The following TACC3 variants were observed in gnomAD, a reference collection of about 807,000 sequenced individuals.
TACC3 encodes transforming acidic coiled-coil-containing protein 3.
Under a neutral mutation model 86.0 loss-of-function variants are expected in TACC3, and 52 were observed. The ratio of observed to expected loss-of-function variants is 0.60; its 90% CI spans 0.48 to 0.76. The LOEUF (loss-of-function observed/expected upper bound fraction) is 0.76, where lower values mean the gene tolerates loss of function less well. Ranked by LOEUF, TACC3 falls within the 30% of genes least tolerant of loss-of-function variation. The probability of loss-of-function intolerance (pLI) is 0.00; values close to 1 mark genes in which losing one functional copy is unlikely to be tolerated. For missense variants in TACC3, 1,120 were observed against 1,070.4 expected, an observed-to-expected ratio of 1.05 and a Z score of -0.65; for synonymous variants, 512 against 430.0, an observed-to-expected ratio of 1.19 and a Z score of -2.36.
At chr4:1,721,312 T>G (rs1316382670), upstream of TACC3, 2 of 137,796 alleles carry the variant, frequency 1.5e-5, no homozygotes, top group Non-Finnish European at 3.1e-5. Context: ...GCCCGGGGTC[T>G]CAGCTTCAGA....
chr4:1,732,948 A>T (rs1035682570), intron 6 of TACC3, among the ~76,000 whole-genome samples: 1 of 152,318 alleles, frequency 6.6e-6, no homozygotes, highest in Admixed American at 6.5e-5. Flanking sequence ...TCTCCTGGAT[A>T]CATAGCTAGG....
chr4:1,738,050 T>A, intron 10 of TACC3: 1 of 379,708 alleles, frequency 2.6e-6, no homozygotes, highest in South Asian at 2.0e-5. Flanking sequence ...CTCCCACGAG[T>A]CCAGACGCAT....
intron 6 of TACC3, among the ~76,000 whole-genome samples, chr4:1,731,658 G>A (rs575650656): frequency 6.6e-6 from 1 of 151,376 alleles, no homozygotes; most frequent in Non-Finnish European, 1.5e-5. Flanking sequence ...TTTTTTCTGA[G>A]ATAGTCTCGC....
In TACC3 at chr4:1,729,967, T is replaced by A. The variant is rs549065010; in HGVS notation, c.1386-920T>A. On this transcript the variant is annotated intron_variant, in intron 4 of 15. Transcript: ENST00000313288. The stretch of plus-strand genomic sequence containing the variant: ...GCGTGACAGAGGGCTCACACACCTC[T>A]TCCGGTCACTTTCTCACCGTGTGCC... 4.6e-5 allele frequency among the ~76,000 whole-genome samples: 7 copies of A among 152,376 alleles called. No homozygotes were observed. In the East Asian group the frequency reaches 1.2e-3, roughly 25 times the overall value.
chr4:1,740,933 G>C lies in TACC3; in HGVS notation c.2170G>C (p.Asp724His), dbSNP rs1344324205. 6.2e-7 allele frequency: 1 copy of C among 1,612,516 alleles called. No individual in the cohort carries two copies. The highest frequency in any genetic ancestry group is 1.3e-5 in the African/African-American group (1 of 74,856). The part of the protein sequence containing the change: ...DLNSMEKSFS[D>H]LFKRFEKQKE... ...GAACTCCATGGAGAAGTCCTTCTCC[G>C]ACCTCTTCAAGCGTTTTGAGAAACA... The change falls in exon 13 of 16, where the codon GAC becomes CAC. Residue 724 changes from aspartate to histidine, a missense_variant. By Grantham distance (81) the Asp-to-His change is moderately conservative. Transcript: ENST00000313288.
chr4:1,742,873 CAG>C (rs1718662302), intron 13 of TACC3, among the ~76,000 whole-genome samples: 3 of 149,034 alleles, frequency 2.0e-5, no homozygotes, highest in South Asian at 2.1e-4. Context: ...GAAACTGAGA[CAG>C]AAAATCATTT....
intron 8 of TACC3, among the ~76,000 whole-genome samples, chr4:1,736,422 CAAAAAAA>C (rs1164866581): frequency 1.5e-5 from 1 of 65,826 alleles, no homozygotes; most frequent in Non-Finnish European, 2.5e-5. Context: ...GACTCCATCT[CAAAAAAA>C]AAAAAAAAAA....
intron 3 of TACC3, among the ~76,000 whole-genome samples, chr4:1,726,337 A>G (rs1346114120): frequency 6.6e-6 from 1 of 152,096 alleles, no homozygotes; most frequent in Non-Finnish European, 1.5e-5. Flanking sequence ...CCTTCAGTGA[A>G]GGCTTTGACT....
In TACC3 at chr4:1,730,894, C is replaced by T. The variant is rs1365569074; in HGVS notation, c.1393C>T (p.His465Tyr). The T allele has an allele frequency of 6.2e-7, 1 of 1,613,260 alleles. No individual in the cohort carries two copies. Among genetic ancestry groups the T allele is most frequent in the Admixed American group, 1.7e-5 (1 of 60,030 alleles). The change falls in exon 5 of 16, where the codon CAT becomes TAT. Residue 465 changes from histidine (H) to tyrosine (Y), a missense_variant. Physicochemically the swap from His to Tyr is moderately conservative, Grantham distance 83. Coordinates refer to ENST00000313288, the MANE Select transcript of TACC3 (RefSeq NM_006342.3). ...EPGPCLSQQL[H>Y]SASAEDTPVV... ...CTGACTCTGTCTCCCCAGGCAGCTG[C>T]ATTCAGCCTCAGCGGAGGACACGCC...
upstream of TACC3, chr4:1,721,378 T>TGGGGG (rs60976521): frequency 6.2e-5 from 8 of 129,138 alleles, no homozygotes; most frequent in African/African-American, 2.1e-4. Flanking sequence ...GAGCGGGGGG[T>TGGGGG]GGGGGGGGAG....
Position 1,740,143 on chromosome 4 carries a change from C to T in TACC3, c.2062+141C>T, listed in dbSNP as rs544696148. 6.5e-5 allele frequency: 52 copies of T among 803,868 alleles called. No homozygotes were observed. In the Admixed American group the frequency reaches 8.5e-4, roughly 13 times the overall value. 49.8% of individuals were successfully genotyped at this position (803,868 alleles called of 1,614,324 possible). A position where few individuals can be genotyped will look rare whatever the true frequency, so the allele number is the denominator to read the frequency against. ...CACACGAGTCCCTTCAACATGGGCC[C>T]GGCCGTGGAAGCACTGAGGCGAGTT... On this transcript the variant is annotated intron_variant, in intron 12 of 15. Transcript: ENST00000313288.
At chr4:1,733,438 A>G (rs1718100093) in intron 6 of TACC3, among the ~76,000 whole-genome samples, 1 of 152,102 alleles carries the variant, frequency 6.6e-6, no homozygotes, top group Admixed American at 6.5e-5. Context: ...GGATTGTTTG[A>G]GCCCTGTAGT....
At position 1,728,402 on chromosome 4, in the gene TACC3, G is replaced by A. The variant is rs777262465; in HGVS notation, c.1000G>A (p.Gly334Arg). ...AGQMASSSRS[G>R]PVKLEFDVSD... ...CCAAATGGCCAGCTCCTCGAGGAGCGGACCTGTAAAACTAGAATTTGATGT... is the reference window on the plus strand; with the variant it reads ...CCAAATGGCCAGCTCCTCGAGGAGCAGACCTGTAAAACTAGAATTTGATGT... Residue 334 changes from glycine (G) to arginine (R), a missense_variant, in exon 4 of 16, where the codon GGA becomes AGA. Gly to Arg is a moderately radical substitution (Grantham distance 125, BLOSUM62 -2). Transcript: ENST00000313288. 4.0e-5 allele frequency: 64 copies of A among 1,613,108 alleles called. No homozygotes were observed. Among genetic ancestry groups the A allele is most frequent in the South Asian group, 8.8e-5 (8 of 91,086 alleles).
chr4:1,734,193 T>A (rs1282015706), intron 6 of TACC3, among the ~76,000 whole-genome samples: 1 of 152,084 alleles, frequency 6.6e-6, no homozygotes. Flanking sequence ...CCAGTTTGGT[T>A]TGTTTTTTTC....
intron 4 of TACC3, chr4:1,730,559 C>T (rs1463186130): frequency 1.1e-5 from 5 of 471,992 alleles, no homozygotes; most frequent in African/African-American, 1.9e-5. Flanking sequence ...CCAGCCTCCA[C>T]ATTTGAAGCC....
chr4:1,723,200 GGCTCCC>G, intron 1 of TACC3: 3 of 586,174 alleles, frequency 5.1e-6, no homozygotes, highest in Non-Finnish European at 9.2e-6. Context: ...TGCTGCCCAT[GGCTCCC>G]CCTGCCAGGC....
In TACC3 at chr4:1,728,916, G is replaced by A. The variant is rs80234205; in HGVS notation, c.1385+129G>A. 9.1e-4 allele frequency: 868 copies of A among 955,454 alleles called. 4 individuals are homozygous for A. In the African/African-American group the frequency reaches 0.01, roughly 11 times the overall value. 59.2% of individuals were successfully genotyped at this position (955,454 alleles called of 1,614,324 possible). ...GCCGGGTAGGTTCTGCCTGAGGAGG[G>A]GCCTCTGGATAAAAACAGGGCTCAG... is the stretch of plus-strand genomic sequence containing the variant. On this transcript the variant is annotated intron_variant, in intron 4 of 15. Coordinates refer to ENST00000313288, the MANE Select transcript of TACC3 (RefSeq NM_006342.3).
rs1476367353 is a variant in TACC3 at position 1,737,296 on chromosome 4, G to A, written c.1804G>A (p.Glu602Lys). 1 of 1,614,148 alleles carries A rather than the reference G, an allele frequency of 6.2e-7. No individual in the cohort carries two copies. Among genetic ancestry groups the A allele is most frequent in the Admixed American group, 1.7e-5 (1 of 60,016 alleles). Residue 602 changes from glutamate (E) to lysine (K), a missense_variant, in exon 9 of 16, where the codon GAG (glutamate) becomes AAG (lysine). Coordinates refer to ENST00000313288, the MANE Select transcript of TACC3 (RefSeq NM_006342.3). The part of the protein sequence containing the change: ...SGRPREAKLV[E>K]FDFLGALDIP... ...ACGTCCGCGGGAAGCCAAGCTTGTG[G>A]AGTTCGATTTCTTGGGAGCACTGGA...
chr4:1,741,014 A>G (rs1472014414), intron 13 of TACC3, 28 bp downstream of exon 13: 1 of 1,575,830 alleles, frequency 6.3e-7, no homozygotes. Flanking sequence ...TGGTGTCCTC[A>G]CCTCGGAGGC....
Sources: allele counts gnomAD v4.1 joint callset (sites outside exome capture counted in the v4.1 genomes callset), GRCh38; gene constraint gnomAD v4.1.1; transcripts MANE v1.5; gene names NCBI Gene and HGNC (gene_info 2026-07-23, HGNC 2026-07-21).